The following FSTL5 variants were observed in gnomAD, a reference collection of about 807,000 sequenced individuals.
FSTL5 encodes follistatin-related protein 5.
In FSTL5, 62 loss-of-function variants were observed where a neutral mutation model predicts 89.1. The ratio of observed to expected loss-of-function variants is 0.70; its 90% CI spans 0.57 to 0.86. FSTL5 has a LOEUF of 0.86. Among genes scored for constraint, FSTL5 ranks in the 40% least tolerant of loss-of-function variants. FSTL5 has a pLI of 0.00. For missense variants in FSTL5, 1,057 were observed against 1,001.6 expected (o/e 1.06, Z -0.75); for synonymous variants, 383 against 346.2 (o/e 1.11, Z -1.18).
At chr4:161,605,151 T>G (rs1734391304) in intron 7 of FSTL5, among the ~76,000 whole-genome samples, 1 of 152,182 alleles carries the variant, frequency 6.6e-6, no homozygotes, top group South Asian at 2.1e-4. Context: ...AGAAAAGGGA[T>G]TAGCATACAG....
chr4:162,105,803 C>T (rs891217909), intron 2 of FSTL5, among the ~76,000 whole-genome samples: 9 of 152,152 alleles, frequency 5.9e-5, no homozygotes, highest in Non-Finnish European at 1.2e-4. Context: ...GTCCAAACTG[C>T]TTCCTGACCT....
intron 6 of FSTL5, among the ~76,000 whole-genome samples, chr4:161,680,880 A>C (rs1737495955): frequency 6.6e-6 from 1 of 152,052 alleles, no homozygotes; most frequent in Admixed American, 6.6e-5. Flanking sequence ...AGCAAGATTC[A>C]AGTGAATTCC....
chr4:161,951,693 T>C (rs531713121), intron 3 of FSTL5, among the ~76,000 whole-genome samples: 1 of 152,108 alleles, frequency 6.6e-6, no homozygotes, highest in Non-Finnish European at 1.5e-5. Context: ...TACATAATTG[T>C]ATAACTAAAT....
At chr4:161,874,763 T>G (rs1036041516) in intron 4 of FSTL5, among the ~76,000 whole-genome samples, 4 of 152,138 alleles carry the variant, frequency 2.6e-5, no homozygotes, top group African/African-American at 9.7e-5. Context: ...ATAGTATGCA[T>G]CCCATAAATC....
intron 3 of FSTL5, among the ~76,000 whole-genome samples, chr4:162,029,131 G>A (rs1356670484): frequency 6.8e-6 from 1 of 146,540 alleles, no homozygotes; most frequent in Non-Finnish European, 1.5e-5. Context: ...TGAAAGCAGT[G>A]TATATGTACA....
intron 12 of FSTL5, among the ~76,000 whole-genome samples, chr4:161,487,100 A>G (rs1237317180): frequency 1.3e-5 from 2 of 152,140 alleles, no homozygotes; most frequent in Non-Finnish European, 2.9e-5. Flanking sequence ...TTATTTTGTG[A>G]CATATAATTT....
At chr4:161,868,130 A>G (rs1429236696) in intron 4 of FSTL5, among the ~76,000 whole-genome samples, 5 of 152,198 alleles carry the variant, frequency 3.3e-5, no homozygotes, top group Admixed American at 3.3e-4. Context: ...CAATAGCATA[A>G]TTTTAACTAA....
chr4:161,659,701 G>A (rs113626782), intron 6 of FSTL5, among the ~76,000 whole-genome samples: 11 of 152,150 alleles, frequency 7.2e-5, no homozygotes, highest in African/African-American at 2.6e-4. Context: ...ACTGTAAATT[G>A]CCTCTGAGTG....
chr4:161,919,080 T>C (rs142740902), intron 4 of FSTL5, among the ~76,000 whole-genome samples: 2 of 152,140 alleles, frequency 1.3e-5, no homozygotes, highest in African/African-American at 4.8e-5. Context: ...TAGTGTCAAG[T>C]ATCAGTGCAA....
chr4:162,120,884 A>T (rs1731829814), intron 1 of FSTL5, among the ~76,000 whole-genome samples: 1 of 152,016 alleles, frequency 6.6e-6, no homozygotes, highest in African/African-American at 2.4e-5. Flanking sequence ...TTTACTACTC[A>T]CTAGAATTTC....
chr4:161,998,608 C>A (rs1477397325), intron 3 of FSTL5, among the ~76,000 whole-genome samples: 2 of 152,106 alleles, frequency 1.3e-5, no homozygotes, highest in Non-Finnish European at 2.9e-5. Context: ...TCTTCCTTGA[C>A]ATTTTTAACA....
chr4:162,049,582 C>T (rs1738314443), intron 2 of FSTL5, among the ~76,000 whole-genome samples: 2 of 152,020 alleles, frequency 1.3e-5, no homozygotes. Context: ...GGTTCTCAAC[C>T]CTGTAGTCTC....
chr4:162,017,291 T>C (rs1260247685), intron 3 of FSTL5, among the ~76,000 whole-genome samples: 3 of 152,188 alleles, frequency 2.0e-5, no homozygotes, highest in Non-Finnish European at 4.4e-5. Context: ...AGCCAAATTC[T>C]TTACAACATC....
In FSTL5 at chr4:162,064,944, A is replaced by G. The variant is rs1428296409; in HGVS notation, c.127-31286T>C. Among the ~76,000 whole-genome samples, 12 of 152,014 alleles carry G rather than the reference A, an allele frequency of 7.9e-5. No individual in the cohort carries two copies. The East Asian group carries it at 2.3e-3, about 29-fold the overall frequency. On this transcript the variant is annotated intron_variant, in intron 2 of 15. Coordinates refer to ENST00000306100, the MANE Select transcript of FSTL5 (RefSeq NM_020116.5). ...AAACACAATAGAGATCCCAGAAATA[A>G]GCCCATGCATATATTGTCAACTAAT...
At chr4:162,135,267 T>C (rs899741566) in intron 1 of FSTL5, among the ~76,000 whole-genome samples, 1 of 152,080 alleles carries the variant, frequency 6.6e-6, no homozygotes, top group Non-Finnish European at 1.5e-5. Flanking sequence ...ATTTTATTTA[T>C]ATTTAAAACA....
At chr4:161,443,428 A>G (rs1031564988) in intron 15 of FSTL5, among the ~76,000 whole-genome samples, 1 of 152,042 alleles carries the variant, frequency 6.6e-6, no homozygotes, top group Admixed American at 6.6e-5. Context: ...ATTTGGATCT[A>G]TATCCTTATT....
intron 10 of FSTL5, among the ~76,000 whole-genome samples, chr4:161,512,432 T>G (rs1730681264): frequency 6.6e-6 from 1 of 152,076 alleles, no homozygotes; most frequent in Admixed American, 6.6e-5. Context: ...GAGAAAAACA[T>G]AGTAATGTGA....
intron 4 of FSTL5, among the ~76,000 whole-genome samples, chr4:161,811,555 T>C (rs1730147963): frequency 6.6e-6 from 1 of 152,144 alleles, no homozygotes; most frequent in African/African-American, 2.4e-5. Flanking sequence ...GAGTGGATTT[T>C]GCACAGCATA....
intron 6 of FSTL5, among the ~76,000 whole-genome samples, chr4:161,741,884 C>T (rs1368177358): frequency 6.6e-6 from 1 of 151,856 alleles, no homozygotes; most frequent in African/African-American, 2.4e-5. Flanking sequence ...GACGGTTTCA[C>T]CACGTTGCCC....
Sources: gnomAD v4.1 joint callset for allele counts (sites outside exome capture counted in the v4.1 genomes callset) on GRCh38, gnomAD v4.1.1 for gene constraint, MANE v1.5 for transcripts, NCBI Gene and HGNC (gene_info 2026-07-23, HGNC 2026-07-21) for gene names.